FGF14: variants seen among roughly 807,000 people sequenced by gnomAD.
The protein encoded by FGF14 is fibroblast growth factor homologous factor 4.
FGF14 carries 5 observed loss-of-function variants against 25.5 expected under a neutral mutation model. That is an observed-to-expected ratio of 0.20 (90% CI 0.10 to 0.41). The LOEUF is 0.41. Ranked by LOEUF, FGF14 falls within the 10% of genes least tolerant of loss-of-function variation. The pLI is 1.00. For synonymous variants in FGF14, 138 were observed against 118.3 expected (o/e 1.17, Z -1.08); for missense variants, 222 against 320.1 (o/e 0.69, Z 2.34).
chr13:101,862,269 C>G (rs542846363), intron 3 of FGF14, among the ~76,000 whole-genome samples: 84 of 152,024 alleles, frequency 5.5e-4, no homozygotes, highest in Non-Finnish European at 9.3e-4. Context: ...TCTCCTTTCT[C>G]TTCTTTTCTC....
intron 1 of FGF14, among the ~76,000 whole-genome samples, chr13:102,362,283 T>C (rs2057588799): frequency 6.6e-6 from 1 of 152,206 alleles, no homozygotes; most frequent in African/African-American, 2.4e-5. Flanking sequence ...GGGACTGTAC[T>C]TTCCTCCTCA....
intron 1 of FGF14, among the ~76,000 whole-genome samples, chr13:102,382,547 T>G (rs980630283): frequency 6.6e-6 from 1 of 152,134 alleles, no homozygotes; most frequent in Non-Finnish European, 1.5e-5. Flanking sequence ...GTGCAGCTGT[T>G]TTGATAAACA....
At chr13:101,964,764 T>C in intron 1 of FGF14, among the ~76,000 whole-genome samples, 1 of 152,128 alleles carries the variant, frequency 6.6e-6, no homozygotes, top group East Asian at 1.9e-4. Flanking sequence ...TTCATTTTTT[T>C]TCTTTCTTTT....
chr13:102,300,325 C>T (rs1245465908), intron 1 of FGF14: 1 of 151,098 alleles, frequency 6.6e-6, no homozygotes, highest in Non-Finnish European at 1.5e-5. Context: ...TACATATCTG[C>T]CTTCTTCTCA....
intron 1 of FGF14, among the ~76,000 whole-genome samples, chr13:102,388,821 TTC>T (rs2058366942): frequency 6.6e-6 from 1 of 151,888 alleles, no homozygotes; most frequent in African/African-American, 2.4e-5. Flanking sequence ...ATCATGTCGT[TTC>T]TCTTTTTGGA....
intron 1 of FGF14, among the ~76,000 whole-genome samples, chr13:102,078,266 CA>C (rs2043454505): frequency 6.6e-6 from 1 of 152,002 alleles, no homozygotes; most frequent in South Asian, 2.1e-4. Context: ...TTGAAAATTT[CA>C]AAATATTTTA....
intron 3 of FGF14, among the ~76,000 whole-genome samples, chr13:101,822,999 G>T (rs985941810): frequency 2.0e-5 from 3 of 151,916 alleles, no homozygotes; most frequent in Non-Finnish European, 4.4e-5. Context: ...TTCTGTGCAG[G>T]ATTATTTCAC....
chr13:102,088,092 CA>C (rs2044008108), intron 1 of FGF14, among the ~76,000 whole-genome samples: 1 of 152,098 alleles, frequency 6.6e-6, no homozygotes. Flanking sequence ...TCTTATGTAA[CA>C]GGAACTACAA....
rs148674398 is a variant in FGF14 at position 101,788,431 on chromosome 13, C to G, written c.409-61621G>C. Among the ~76,000 whole-genome samples the G allele has an allele frequency of 3.7e-3, 569 of 152,198 alleles. 3 individuals carry two copies. Among genetic ancestry groups the G allele is most frequent in the African/African-American group, 0.013 (520 of 41,530 alleles). ...TAATTAGCATCCTCCCTATGGGAAA[C>G]TTATACATGTGTGTAAGCACTGAGG... On this transcript the variant is annotated intron_variant, in intron 3 of 4. Coordinates refer to ENST00000376143, the MANE Select transcript of FGF14 (RefSeq NM_004115.4).
rs147835238 is a variant in FGF14 at position 102,120,269 on chromosome 13, C to T, written c.209-244973G>A. The stretch of plus-strand genomic sequence containing the variant: ...GGGAAGCAGCAACACTAAACAAAGC[C>T]GTAAACAACTCAATGAAAAGACCTA... On this transcript the variant is annotated intron_variant, in intron 1 of 4. Coordinates refer to the FGF14 transcript ENST00000376131. Among the ~76,000 whole-genome samples, 44 of 152,128 alleles carry T rather than the reference C, an allele frequency of 2.9e-4. No individual in the cohort carries two copies. The East Asian group carries it at 7.7e-3, about 27-fold the overall frequency.
chr13:102,278,276 T>C (rs2053642312), intron 1 of FGF14, among the ~76,000 whole-genome samples: 1 of 152,164 alleles, frequency 6.6e-6, no homozygotes, highest in Admixed American at 6.5e-5. Context: ...GTAAAACGGT[T>C]TGTGCAGAAT....
chr13:101,804,853 A>T (rs2041111089), intron 3 of FGF14, among the ~76,000 whole-genome samples: 1 of 152,122 alleles, frequency 6.6e-6, no homozygotes, highest in Non-Finnish European at 1.5e-5. Flanking sequence ...TGGTTCCCTC[A>T]TTAATGGTGC....
intron 3 of FGF14, among the ~76,000 whole-genome samples, chr13:101,809,654 G>A (rs987259228): frequency 2.6e-5 from 4 of 152,046 alleles, no homozygotes; most frequent in Admixed American, 1.3e-4. Flanking sequence ...TAGTTAGAGT[G>A]CATAACTGAT....
intron 1 of FGF14, among the ~76,000 whole-genome samples, chr13:101,925,342 A>G (rs1019170262): frequency 1.3e-5 from 2 of 152,188 alleles, no homozygotes; most frequent in Non-Finnish European, 2.9e-5. Flanking sequence ...CTTTAATTAT[A>G]TGACCTGAAA....
At chr13:102,248,610 G>T (rs2052004115) in intron 1 of FGF14, among the ~76,000 whole-genome samples, 1 of 152,136 alleles carries the variant, frequency 6.6e-6, no homozygotes, top group Non-Finnish European at 1.5e-5. Flanking sequence ...ATGGGGGCCA[G>T]ATTACCAAGA....
intron 1 of FGF14, among the ~76,000 whole-genome samples, chr13:102,114,615 A>G (rs9518636): frequency 0.48 from 72,987 of 151,992 alleles, 18,136 homozygotes; most frequent in East Asian, 0.75. Flanking sequence ...AGGAATGGAT[A>G]AAGTGTGGTG....
At chr13:101,992,542 C>G (rs1475790100) in intron 1 of FGF14, among the ~76,000 whole-genome samples, 1 of 151,762 alleles carries the variant, frequency 6.6e-6, no homozygotes, top group Non-Finnish European at 1.5e-5. Context: ...AAATTTAAAA[C>G]AATTTTGAAC....
chr13:101,723,145 C>T (rs1049001545), intron 4 of FGF14, 178 bp from the exon 5 acceptor site: 3 of 717,790 alleles, frequency 4.2e-6, no homozygotes, highest in African/African-American at 1.7e-5. Flanking sequence ...CCACAGAGGA[C>T]ATTACTCCCT....
intron 1 of FGF14, among the ~76,000 whole-genome samples, chr13:102,373,916 T>C (rs772794205): frequency 7.2e-5 from 11 of 152,236 alleles, no homozygotes; most frequent in Admixed American, 7.2e-4. Context: ...AATTCTCATA[T>C]AATTGGGCTG....
Sources: gnomAD v4.1 joint callset for allele counts (sites outside exome capture counted in the v4.1 genomes callset) on GRCh38, gnomAD v4.1.1 for gene constraint, MANE v1.5 for transcripts, NCBI Gene and HGNC (gene_info 2026-07-23, HGNC 2026-07-21) for gene names.